The following MYOM2 variants were observed in gnomAD, a reference collection of about 807,000 sequenced individuals.
MYOM2 encodes the protein myomesin 2.
In MYOM2, 254 loss-of-function variants were observed where a neutral mutation model predicts 187.6. The ratio of observed to expected loss-of-function variants is 1.35; its 90% confidence interval spans 1.22 to 1.50. The LOEUF is 1.50. MYOM2 is among the 40% of genes most tolerant of loss of function. The pLI, the probability that MYOM2 is intolerant of heterozygous loss-of-function variation, is 0.00. For synonymous variants in MYOM2, 981 were observed against 753.8 expected, an observed-to-expected ratio of 1.30 and a Z score of -4.94; for missense variants, 2,796 against 1,924.0, an observed-to-expected ratio of 1.45 and a Z score of -8.48.
rs1440729339 is a variant in MYOM2, at chr8:2,086,350, CTGCG to C, written c.1644+963_1644+966del. Among the ~76,000 whole-genome samples, 308 of 57,886 alleles carry C rather than the reference CTGCG, an allele frequency of 5.3e-3. 121 individuals are homozygous for C. The highest frequency in any genetic ancestry group is 0.018 in the African/African-American group (221 of 12,392). The allele number at this position is 57,886 out of a possible 152,430, so 38.0% of individuals were successfully genotyped here. ...GCGTGGCCCCCCACTGTTGTGATCT[CTGCG>C]TGGCCTCCCACTGTTGTGATCTCTG... On this transcript the variant is annotated intron_variant, in intron 14 of 36. Transcript: ENST00000262113.
chr8:2,126,237 G>A (rs1797630273), intron 31 of MYOM2, among the ~76,000 whole-genome samples: 1 of 152,286 alleles, frequency 6.6e-6, no homozygotes, highest in South Asian at 2.1e-4. Flanking sequence ...AGAGGGGACA[G>A]GCCCAGAACT....
intron 15 of MYOM2, among the ~76,000 whole-genome samples, chr8:2,091,699 C>A (rs1796308680): frequency 6.6e-6 from 1 of 152,242 alleles, no homozygotes; most frequent in Non-Finnish European, 1.5e-5. Context: ...ATACCCAGAA[C>A]CACAGGCTTG....
At chr8:2,095,650 A>C (rs756150510) in intron 17 of MYOM2, among the ~76,000 whole-genome samples, 1 of 152,148 alleles carries the variant, frequency 6.6e-6, no homozygotes, top group Non-Finnish European at 1.5e-5. Context: ...CAGGTAACAG[A>C]GGATGGCCAC....
intron 14 of MYOM2, among the ~76,000 whole-genome samples, chr8:2,088,169 G>A (rs1796161756): frequency 6.6e-6 from 1 of 152,042 alleles, no homozygotes; most frequent in African/African-American, 2.4e-5. Flanking sequence ...AGTATACGCT[G>A]CACCATATTT....
intron 1 of MYOM2, among the ~76,000 whole-genome samples, chr8:2,045,997 G>A (rs145466595): frequency 1.1e-4 from 17 of 152,354 alleles, no homozygotes; most frequent in Admixed American, 1.0e-3. Context: ...GTGGAACAAA[G>A]ATAATTTAAG....
At chr8:2,076,578 C>T in intron 11 of MYOM2, 2 of 351,208 alleles carry the variant, frequency 5.7e-6, no homozygotes, top group South Asian at 8.9e-5. Flanking sequence ...CTGAGCCCCG[C>T]GCTGTGGTTC....
intron 15 of MYOM2, among the ~76,000 whole-genome samples, 183 bp from the exon 16 acceptor site, chr8:2,092,163 C>T (rs1314029567): frequency 6.6e-6 from 1 of 152,054 alleles, no homozygotes; most frequent in Non-Finnish European, 1.5e-5. Flanking sequence ...AGACCAGCAC[C>T]TCCCAATGGC....
At chr8:2,127,570 A>C (rs1797693327) in intron 31 of MYOM2, among the ~76,000 whole-genome samples, 4 of 152,106 alleles carry the variant, frequency 2.6e-5, no homozygotes, top group Non-Finnish European at 2.9e-5. Flanking sequence ...AAGTCCAGGC[A>C]GGCAGTACCT....
intron 32 of MYOM2, among the ~76,000 whole-genome samples, chr8:2,137,261 T>TCACACAGGGTGAC (rs1563082692): frequency 5.9e-5 from 9 of 151,912 alleles, no homozygotes; most frequent in African/African-American, 2.2e-4. Flanking sequence ...CACAGGGTGA[T>TCACACAGGGTGAC]GAGCTCACAC....
At chr8:2,068,522 G>A (rs964725099) in intron 6 of MYOM2, among the ~76,000 whole-genome samples, 8 of 151,404 alleles carry the variant, frequency 5.3e-5, no homozygotes, top group Admixed American at 3.3e-4. Context: ...GAGCATCCTG[G>A]GTACAGCTCT....
intron 14 of MYOM2, among the ~76,000 whole-genome samples, chr8:2,089,207 A>T (rs1311672987): frequency 6.2e-5 from 1 of 16,072 alleles, no homozygotes; most frequent in Non-Finnish European, 3.5e-4. Context: ...CTATGTGAAA[A>T]AATAAGATAA....
chr8:2,139,823 A>T (rs939368187), intron 32 of MYOM2, among the ~76,000 whole-genome samples: 1 of 152,184 alleles, frequency 6.6e-6, no homozygotes, highest in African/African-American at 2.4e-5. Context: ...TGCAGTAAAC[A>T]GTTTGGCCTT....
chr8:2,139,630 C>T (rs764917969), intron 32 of MYOM2, among the ~76,000 whole-genome samples: 1 of 152,186 alleles, frequency 6.6e-6, no homozygotes, highest in Non-Finnish European at 1.5e-5. Flanking sequence ...ACTGACCCAG[C>T]CTGCTTCCCC....
chr8:2,060,496 A>G (rs1485052341), intron 6 of MYOM2, among the ~76,000 whole-genome samples: 2 of 148,324 alleles, frequency 1.3e-5, no homozygotes, highest in East Asian at 3.9e-4. Context: ...CTAGGAAAAC[A>G]TGAGGGATGT....
At chr8:2,051,935 A>T (rs1818503267) in intron 2 of MYOM2, among the ~76,000 whole-genome samples, 1 of 152,184 alleles carries the variant, frequency 6.6e-6, no homozygotes. Context: ...TTGCATACAC[A>T]TGTGTACGCA....
At chr8:2,134,757 C>T (rs775215646) in intron 32 of MYOM2, among the ~76,000 whole-genome samples, 16 of 152,242 alleles carry the variant, frequency 1.1e-4, no homozygotes, top group Admixed American at 4.6e-4. Flanking sequence ...TTCCGGTTGT[C>T]GCCTGCTTTT....
At chr8:2,073,054 C>T (rs747115788) in intron 9 of MYOM2, among the ~76,000 whole-genome samples, 13 of 152,200 alleles carry the variant, frequency 8.5e-5, no homozygotes, top group Non-Finnish European at 1.9e-4. Flanking sequence ...AGCGGGCCCC[C>T]AGGTGAACCC....
intron 32 of MYOM2, among the ~76,000 whole-genome samples, chr8:2,138,302 C>A (rs528995203): frequency 1.3e-5 from 2 of 152,202 alleles, no homozygotes; most frequent in African/African-American, 4.8e-5. Context: ...ATGGCCTCAT[C>A]GCTTCTGCTT....
chr8:2,050,649 G>GT (rs1818451797), intron 1 of MYOM2, 106 bp from the exon 2 acceptor site: 1 of 608,732 alleles, frequency 1.6e-6, no homozygotes, highest in South Asian at 2.6e-5. Flanking sequence ...TCCCAAGGGG[G>GT]TTTTATTAAC....
Sources: allele counts gnomAD v4.1 joint callset (sites outside exome capture counted in the v4.1 genomes callset), GRCh38; gene constraint gnomAD v4.1.1; transcripts MANE v1.5; gene names NCBI Gene and HGNC (gene_info 2026-07-23, HGNC 2026-07-21).